Variants in SPOCK3 observed in about 807,000 individuals in gnomAD.
SPOCK3 encodes the protein SPARC (osteonectin), cwcv and kazal like domains proteoglycan 3.
Under a neutral mutation model 56.6 loss-of-function variants are expected in SPOCK3, and 30 were observed. That is an observed-to-expected ratio of 0.53 (90% CI 0.40 to 0.72). SPOCK3 has a LOEUF of 0.72. SPOCK3 is among the 30% of genes least tolerant of loss of function. The pLI is 0.00. For synonymous variants in SPOCK3, 196 were observed against 183.3 expected (o/e 1.07, Z -0.56); for missense variants, 527 against 530.0 (o/e 0.99, Z 0.06).
intron 2 of SPOCK3, among the ~76,000 whole-genome samples, chr4:167,155,208 C>T (rs1208431009): frequency 2.6e-5 from 4 of 151,938 alleles, no homozygotes; most frequent in East Asian, 1.9e-4. Flanking sequence ...CTCCACCTCC[C>T]GGCTTAAAGC....
chr4:166,845,050 C>T (rs142816168), intron 6 of SPOCK3, among the ~76,000 whole-genome samples: 1 of 152,280 alleles, frequency 6.6e-6, no homozygotes, highest in African/African-American at 2.4e-5. Flanking sequence ...TATGACAATT[C>T]ACAAACATGA....
At chr4:167,162,577 G>A (rs1765409902) in intron 2 of SPOCK3, among the ~76,000 whole-genome samples, 1 of 151,980 alleles carries the variant, frequency 6.6e-6, no homozygotes, top group South Asian at 2.1e-4. Flanking sequence ...ACCACAGAAA[G>A]GCCCACTGGA....
At chr4:167,233,157 G>A (rs1737358969) in intron 2 of SPOCK3, among the ~76,000 whole-genome samples, 1 of 152,160 alleles carries the variant, frequency 6.6e-6, no homozygotes, top group South Asian at 2.1e-4. Context: ...TGCTCTGTAC[G>A]TGAGCAGCTC....
At chr4:166,780,462 G>A (rs545509412) in intron 7 of SPOCK3, among the ~76,000 whole-genome samples, 1 of 152,214 alleles carries the variant, frequency 6.6e-6, no homozygotes, top group South Asian at 2.1e-4. Context: ...CTGAGAAGCA[G>A]AAGCTGCTGT....
At chr4:167,109,158 T>TTATATATTTATATAAAAATATATATAAA (rs1760565965) in intron 2 of SPOCK3, among the ~76,000 whole-genome samples, 1 of 8,702 alleles carries the variant, frequency 1.1e-4, no homozygotes, top group Non-Finnish European at 2.0e-4. Context: ...TATATAAATA[T>TTATATATTTATATAAAAATATATATAAA]TATATATTTA....
intron 3 of SPOCK3, 71 bp from the exon 4 acceptor site, chr4:167,000,534 A>C (rs1285604881): frequency 4.2e-6 from 3 of 719,010 alleles, no homozygotes; most frequent in African/African-American, 1.8e-5. Context: ...CATCAAACAC[A>C]ATTTGATCAG....
intron 1 of SPOCK3, 138 bp downstream of exon 1, chr4:167,234,312 T>TC: frequency 1.2e-6 from 1 of 801,382 alleles, no homozygotes; most frequent in Non-Finnish European, 2.0e-6. Context: ...GGCAAGCGTG[T>TC]CCCCTCCCCG....
intron 6 of SPOCK3, among the ~76,000 whole-genome samples, chr4:166,882,262 G>GTA (rs74573069): frequency 0.071 from 10,831 of 152,196 alleles, 511 homozygotes; most frequent in Non-Finnish European, 0.1. Flanking sequence ...TTCAAGAAAT[G>GTA]TATTCATCTT....
At chr4:166,903,530 G>T (rs1736287860) in intron 5 of SPOCK3, among the ~76,000 whole-genome samples, 1 of 152,006 alleles carries the variant, frequency 6.6e-6, no homozygotes, top group South Asian at 2.1e-4. Context: ...TTCACTGGAG[G>T]CACAGCTGTT....
At chr4:166,778,085 C>T (rs190391828) in intron 7 of SPOCK3, among the ~76,000 whole-genome samples, 4 of 152,260 alleles carry the variant, frequency 2.6e-5, no homozygotes, top group South Asian at 2.1e-4. Context: ...CAGAGGCCTA[C>T]AAGACATGTC....
At chr4:167,175,683 G>T (rs551210071) in intron 2 of SPOCK3, among the ~76,000 whole-genome samples, 4 of 152,060 alleles carry the variant, frequency 2.6e-5, no homozygotes, top group Admixed American at 2.6e-4. Flanking sequence ...AGGCATCTAT[G>T]AGCTAAACAG....
intron 2 of SPOCK3, among the ~76,000 whole-genome samples, chr4:167,233,742 G>A (rs1245630278): frequency 2.0e-5 from 3 of 152,096 alleles, no homozygotes; most frequent in Non-Finnish European, 4.4e-5. Context: ...AGAGCAGGGT[G>A]GGGGAGGAAG....
intron 2 of SPOCK3, among the ~76,000 whole-genome samples, chr4:167,205,617 C>A (rs1451075623): frequency 2.2e-4 from 23 of 104,864 alleles, no homozygotes; most frequent in African/African-American, 7.0e-4. Context: ...TATAAAATAT[C>A]TATATATATT....
At chr4:166,925,001 A>G (rs1738916969) in intron 4 of SPOCK3, among the ~76,000 whole-genome samples, 1 of 152,222 alleles carries the variant, frequency 6.6e-6, no homozygotes, top group Non-Finnish European at 1.5e-5. Flanking sequence ...ACTTCCCAGC[A>G]ATAGATTAAA....
At chr4:166,906,175 A>C (rs1471054247) in intron 5 of SPOCK3, among the ~76,000 whole-genome samples, 1 of 152,106 alleles carries the variant, frequency 6.6e-6, no homozygotes, top group Non-Finnish European at 1.5e-5. Flanking sequence ...AGGTACAACA[A>C]ATTAGACATG....
chr4:167,150,695 TTA>T (rs1423857691), intron 2 of SPOCK3, among the ~76,000 whole-genome samples: 4 of 152,144 alleles, frequency 2.6e-5, no homozygotes, highest in African/African-American at 9.7e-5. Context: ...AGTAAGGACA[TTA>T]TGTTTGATCC....
intron 2 of SPOCK3, among the ~76,000 whole-genome samples, chr4:167,067,445 T>G (rs953005554): frequency 1.3e-5 from 2 of 151,828 alleles, no homozygotes; most frequent in Non-Finnish European, 2.9e-5. Context: ...GAAATGAATG[T>G]CAAAGTGATG....
chr4:166,981,038 C>A (rs1444972394), intron 4 of SPOCK3, among the ~76,000 whole-genome samples: 2 of 152,304 alleles, frequency 1.3e-5, no homozygotes, highest in East Asian at 3.9e-4. Flanking sequence ...GGAGGGTGAG[C>A]AAGGCAGAGA....
intron 6 of SPOCK3, among the ~76,000 whole-genome samples, chr4:166,832,049 T>C (rs1034746673): frequency 5.3e-5 from 8 of 152,050 alleles, no homozygotes; most frequent in Non-Finnish European, 1.0e-4. Flanking sequence ...GATTAATCTG[T>C]TGATAGTGTC....
Sources: gnomAD v4.1 joint callset for allele counts (sites outside exome capture counted in the v4.1 genomes callset) on GRCh38, gnomAD v4.1.1 for gene constraint, MANE v1.5 for transcripts, NCBI Gene and HGNC (gene_info 2026-07-23, HGNC 2026-07-21) for gene names.